The following TPH2 variants were observed in gnomAD, a reference collection of about 807,000 sequenced individuals.
TPH2 encodes tryptophan 5-hydroxylase 2.
A neutral mutation model predicts 59.1 loss-of-function variants in TPH2; 27 were observed. That is an observed-to-expected ratio of 0.46 (90% CI 0.34 to 0.63). The LOEUF is 0.63. Ranked by LOEUF, TPH2 falls within the 30% of genes least tolerant of loss-of-function variation. TPH2 has a pLI of 0.01. For missense variants in TPH2, 523 were observed against 588.3 expected (o/e 0.89, Z 1.15); for synonymous variants, 220 against 210.5 (o/e 1.05, Z -0.39).
At chr12:72,018,609 G>A (rs115986801) in intron 8 of TPH2, among the ~76,000 whole-genome samples, 3,191 of 152,250 alleles carry the variant, frequency 0.021, 131 homozygotes, top group African/African-American at 0.073. Context: ...GGCTCTGAAC[G>A]TGTATTTTGG....
At chr12:71,968,955 T>TTA (rs541318491) in intron 5 of TPH2, among the ~76,000 whole-genome samples, 17 of 152,242 alleles carry the variant, frequency 1.1e-4, no homozygotes, top group Admixed American at 3.9e-4. Context: ...ATGACTTCTG[T>TTA]TATATATATA....
At chr12:71,988,841 T>C (rs10784947) in intron 7 of TPH2, among the ~76,000 whole-genome samples, 77,641 of 151,972 alleles carry the variant, frequency 0.51, 20,553 homozygotes, top group Middle Eastern at 0.59. Context: ...ATTGCCTTTT[T>C]CTGGAACCAG....
At chr12:71,978,895 G>T (rs763747424) in intron 6 of TPH2, 57 bp from the exon 7 acceptor site, 7 of 1,609,034 alleles carry the variant, frequency 4.4e-6, no homozygotes, top group Non-Finnish European at 4.3e-6. Flanking sequence ...GCTCCTGCTT[G>T]GGCCCTCAAG....
intron 8 of TPH2, among the ~76,000 whole-genome samples, chr12:72,015,161 C>A (rs945689773): frequency 2.0e-5 from 3 of 152,014 alleles, no homozygotes; most frequent in Non-Finnish European, 4.4e-5. Flanking sequence ...TGGGAGCAGA[C>A]CTTGAGGGGC....
chr12:71,967,043 G>T (rs1871836611), intron 5 of TPH2, among the ~76,000 whole-genome samples: 1 of 152,158 alleles, frequency 6.6e-6, no homozygotes, highest in South Asian at 2.1e-4. Context: ...TGAAATCATT[G>T]TTGCTTATTC....
In TPH2 at chr12:71,959,897, G is replaced by GT. The variant is rs111272148; in HGVS notation, c.608+10242_608+10243insT. Reference sequence around the variant, plus strand: ...TGAATTGTAGGCTCTACTGTGATGTGAAACCAAGCTTTAATTTTTTTCCTT... The same window carrying GT: ...TGAATTGTAGGCTCTACTGTGATGTGTAAACCAAGCTTTAATTTTTTTCCTT... On this transcript the variant is annotated intron_variant, in intron 5 of 10. Coordinates refer to ENST00000333850, the MANE Select transcript of TPH2 (RefSeq NM_173353.4). Among the ~76,000 whole-genome samples the GT allele has an allele frequency of 9.3e-4, 141 of 152,286 alleles. 4 individuals are homozygous for GT. The East Asian group carries it at 0.014, about 15-fold the overall frequency.
At chr12:72,030,665 G>A (rs1211590556) in intron 9 of TPH2, among the ~76,000 whole-genome samples, 4 of 152,076 alleles carry the variant, frequency 2.6e-5, no homozygotes, top group African/African-American at 7.2e-5. Context: ...TTTATCTGCT[G>A]TATATTGCTC....
chr12:72,024,017 T>A (rs945863255), intron 9 of TPH2, among the ~76,000 whole-genome samples: 5 of 152,106 alleles, frequency 3.3e-5, no homozygotes, highest in African/African-American at 9.7e-5. Flanking sequence ...AGTTAATAAG[T>A]GTTGATCTGG....
At chr12:72,021,299 A>G (rs764279352) in intron 8 of TPH2, among the ~76,000 whole-genome samples, 6 of 151,968 alleles carry the variant, frequency 3.9e-5, no homozygotes, top group Non-Finnish European at 7.4e-5. Context: ...GCAATTGAAG[A>G]TATTAATGTC....
At chr12:72,017,470 A>T (rs1873291411) in intron 8 of TPH2, among the ~76,000 whole-genome samples, 1 of 152,244 alleles carries the variant, frequency 6.6e-6, no homozygotes, top group South Asian at 2.1e-4. Context: ...CAAATAAAAT[A>T]TTTATAAATA....
intron 5 of TPH2, among the ~76,000 whole-genome samples, chr12:71,960,845 G>A (rs1871660089): frequency 6.6e-6 from 1 of 152,198 alleles, no homozygotes; most frequent in Non-Finnish European, 1.5e-5. Context: ...CTGCTTGAGA[G>A]GTGAATGGAT....
In TPH2 at chr12:72,014,476, C is replaced by T. The variant is rs145789572; in HGVS notation, c.1069-7923C>T. 4.7e-3 allele frequency among the ~76,000 whole-genome samples: 715 copies of T among 151,302 alleles called. 6 individuals carry two copies. Among genetic ancestry groups the T allele is most frequent in the African/African-American group, 0.016 (670 of 41,128 alleles). On this transcript the variant is annotated intron_variant, in intron 8 of 10. Transcript: ENST00000333850. Reference sequence around the variant, plus strand: ...AGTGATCTCGGCTCACTGCAACCTCCGCCTCCCTGTTTCAAGTGATTCTCC... The same window carrying T: ...AGTGATCTCGGCTCACTGCAACCTCTGCCTCCCTGTTTCAAGTGATTCTCC...
intron 8 of TPH2, among the ~76,000 whole-genome samples, chr12:72,019,920 G>A (rs1378094345): frequency 6.6e-6 from 1 of 152,152 alleles, no homozygotes; most frequent in Non-Finnish European, 1.5e-5. Context: ...TGAGAAGCAG[G>A]GCTCAGACTA....
At chr12:72,011,165 C>G (rs1873089965) in intron 8 of TPH2, among the ~76,000 whole-genome samples, 1 of 152,136 alleles carries the variant, frequency 6.6e-6, no homozygotes, top group Non-Finnish European at 1.5e-5. Flanking sequence ...AAAGATAGAA[C>G]TGCTTTAAAA....
chr12:71,986,490 T>TA (rs1396626334), intron 7 of TPH2, among the ~76,000 whole-genome samples: 3 of 152,218 alleles, frequency 2.0e-5, no homozygotes, highest in Non-Finnish European at 2.9e-5. Context: ...ATTCCATTTT[T>TA]AAAAAATCAT....
intron 9 of TPH2, among the ~76,000 whole-genome samples, chr12:72,028,023 C>A (rs1356768730): frequency 6.6e-6 from 1 of 152,190 alleles, no homozygotes; most frequent in African/African-American, 2.4e-5. Context: ...GAACCCAAGT[C>A]TCCTGGTTCC....
chr12:71,976,544 G>C (rs931773428), intron 6 of TPH2, among the ~76,000 whole-genome samples: 6 of 152,104 alleles, frequency 3.9e-5, no homozygotes, highest in Non-Finnish European at 7.4e-5. Flanking sequence ...ATGTTCCTCT[G>C]TGTACTGTTA....
chr12:71,993,476 A>T (rs1872625160), intron 7 of TPH2, among the ~76,000 whole-genome samples: 1 of 152,188 alleles, frequency 6.6e-6, no homozygotes. Flanking sequence ...GCTTGGTATC[A>T]CGGAACAGTT....
intron 7 of TPH2, among the ~76,000 whole-genome samples, chr12:71,987,059 G>A (rs1463542336): frequency 6.6e-6 from 1 of 152,134 alleles, no homozygotes; most frequent in Non-Finnish European, 1.5e-5. Flanking sequence ...TGTTTGTCTG[G>A]CATCATCCCA....
Sources: gnomAD v4.1 joint callset for allele counts (sites outside exome capture counted in the v4.1 genomes callset) on GRCh38, gnomAD v4.1.1 for gene constraint, MANE v1.5 for transcripts, NCBI Gene and HGNC (gene_info 2026-07-23, HGNC 2026-07-21) for gene names.